Variants in SLC7A8 observed in about 807,000 individuals in gnomAD.
SLC7A8 encodes large neutral amino acids transporter small subunit 2.
A neutral mutation model predicts 51.2 loss-of-function variants in SLC7A8; 30 were observed. The ratio of observed to expected loss-of-function variants is 0.59; its 90% CI spans 0.44 to 0.80. The LOEUF (loss-of-function observed/expected upper bound fraction) is 0.80, where lower values mean the gene tolerates loss of function less well. Among genes scored for constraint, SLC7A8 ranks in the 30% least tolerant of loss-of-function variants. SLC7A8 has a pLI of 0.00. For missense variants in SLC7A8, 612 were observed against 674.4 expected (o/e 0.91, Z 1.03); for synonymous variants, 257 against 275.8 (o/e 0.93, Z 0.67).
intron 3 of SLC7A8, among the ~76,000 whole-genome samples, chr14:23,159,553 G>A (rs1434881768): frequency 2.0e-5 from 3 of 152,252 alleles, no homozygotes; most frequent in Admixed American, 6.5e-5. Flanking sequence ...AGTGTCTGGG[G>A]AGGAGCAGTT....
At chr14:23,146,518 G>C (rs963228244) in intron 3 of SLC7A8, among the ~76,000 whole-genome samples, 9 of 152,156 alleles carry the variant, frequency 5.9e-5, no homozygotes, top group African/African-American at 1.9e-4. Context: ...ACAGAGATAG[G>C]GATGCTTTGT....
rs980427814 is a variant in SLC7A8, at chr14:23,125,475, C to T, written c.*1702G>A. 4 of 152,040 alleles carry T rather than the reference C, an allele frequency of 2.6e-5. No individual in the cohort carries two copies. The highest frequency in any genetic ancestry group is 9.7e-5 in the African/African-American group (4 of 41,212). 9.4% of individuals were successfully genotyped at this position (152,040 alleles called of 1,614,324 possible). A position where few individuals can be genotyped will look rare whatever the true frequency, so the allele number is the denominator to read the frequency against. ...AATACCAGCTTCAAAAATATTTATC[C>T]AAAAAGTAAGGCATCAACTTTACAA... On this transcript the variant is annotated 3_prime_UTR_variant, in exon 11 of 11. Coordinates refer to ENST00000316902, the MANE Select transcript of SLC7A8 (RefSeq NM_012244.4).
intron 1 of SLC7A8, among the ~76,000 whole-genome samples, chr14:23,181,546 C>A (rs1156304392): frequency 6.6e-6 from 1 of 152,108 alleles, no homozygotes; most frequent in Non-Finnish European, 1.5e-5. Context: ...GAATACTGCA[C>A]TGATTTTATT....
At chr14:23,140,829 C>T (rs778163023) in intron 4 of SLC7A8, among the ~76,000 whole-genome samples, 33 of 152,186 alleles carry the variant, frequency 2.2e-4, no homozygotes, top group Non-Finnish European at 4.0e-4. Flanking sequence ...CCGGAAACTA[C>T]GAGTCCAAAT....
chr14:23,129,874 C>G (rs2048616486), intron 8 of SLC7A8, 75 bp from the exon 9 acceptor site: 1 of 1,540,210 alleles, frequency 6.5e-7, no homozygotes, highest in Non-Finnish European at 8.8e-7. Context: ...GGGGCTGTCC[C>G]CCAGCCTCCA....
chr14:23,181,576 C>T (rs184330192), intron 1 of SLC7A8, among the ~76,000 whole-genome samples: 145 of 152,326 alleles, frequency 9.5e-4, no homozygotes, highest in Middle Eastern at 3.4e-3. Flanking sequence ...GAGTGCTCTC[C>T]AGTGTCACTA....
intron 5 of SLC7A8, 138 bp downstream of exon 5, chr14:23,140,333 G>T (rs923641287): frequency 3.3e-6 from 3 of 915,606 alleles, no homozygotes; most frequent in Non-Finnish European, 4.9e-6. Context: ...AATGAACTAC[G>T]ACTTCAGGAT....
At position 23,127,883 on chromosome 14, in the gene SLC7A8, ACTCTTCCAGGG is replaced by A. The variant is rs901752059; in HGVS notation, c.1441+125_1441+135del. 2.0e-5 allele frequency: 15 copies of A among 741,902 alleles called. No individual in the cohort carries two copies. In the Admixed American group the frequency reaches 4.3e-4, roughly 21 times the overall value. The allele number at this position is 741,902 out of a possible 1,614,324, so 46.0% of individuals were successfully genotyped here. A position where few individuals can be genotyped will look rare whatever the true frequency, so the allele number is the denominator to read the frequency against. On this transcript the variant is annotated intron_variant, in intron 10 of 10. Transcript: ENST00000316902. The stretch of plus-strand genomic sequence containing the variant: ...AAGGCATCTGCTTCCCCTGCTCTGG[ACTCTTCCAGGG>A]CTCTGTGGACTGAGGAGAAGGTGAG...
chr14:23,153,268 A>G (rs1307526344), intron 3 of SLC7A8, among the ~76,000 whole-genome samples: 1 of 152,146 alleles, frequency 6.6e-6, no homozygotes, highest in Non-Finnish European at 1.5e-5. Context: ...GTGAGCCACC[A>G]TGGCGGCCCC....
intron 1 of SLC7A8, among the ~76,000 whole-genome samples, chr14:23,169,441 C>T (rs947421116): frequency 5.3e-5 from 8 of 152,216 alleles, no homozygotes; most frequent in Admixed American, 2.6e-4. Context: ...AGGGAACAGC[C>T]TGTCGCCCAG....
At position 23,180,108 on chromosome 14, in the gene SLC7A8, G is replaced by A. The variant is rs369382584; in HGVS notation, c.151+2656C>T. Reference sequence around the variant, plus strand: ...TTTTTAGTAGAGACGAGGTTTCACCGTGTTAGCCAGGATGGTCTTGATCTC... The same window carrying A: ...TTTTTAGTAGAGACGAGGTTTCACCATGTTAGCCAGGATGGTCTTGATCTC... On this transcript the variant is annotated intron_variant, in intron 1 of 10. Transcript: ENST00000316902. 1.0e-3 allele frequency among the ~76,000 whole-genome samples: 159 copies of A among 152,120 alleles called. 2 individuals are homozygous for A. The highest frequency in any genetic ancestry group is 5.6e-3 in the East Asian group (29 of 5,168).
chr14:23,138,596 C>T (rs1050344905), intron 6 of SLC7A8, among the ~76,000 whole-genome samples: 5 of 152,156 alleles, frequency 3.3e-5, no homozygotes, highest in African/African-American at 1.2e-4. Flanking sequence ...TTCATCAAAA[C>T]AGATGAGTTG....
In SLC7A8 at chr14:23,161,665, C is replaced by T. The variant is rs150451398; in HGVS notation, c.508+3620G>A. ...TTAATGAAAGATAGCGTCTACCAGT[C>T]GGGCGCAGTGGCCTCACTTTGGGAG... On this transcript the variant is annotated intron_variant, in intron 3 of 10. Coordinates refer to ENST00000316902, the MANE Select transcript of SLC7A8 (RefSeq NM_012244.4). Among the ~76,000 whole-genome samples, 4 of 152,130 alleles carry T rather than the reference C, an allele frequency of 2.6e-5. No homozygotes were observed. The East Asian group carries it at 5.8e-4, about 22-fold the overall frequency.
At chr14:23,137,853 C>T in intron 7 of SLC7A8, 68 bp downstream of exon 7, 5 of 1,581,810 alleles carry the variant, frequency 3.2e-6, no homozygotes, top group Non-Finnish European at 4.3e-6. Flanking sequence ...GACAAGCCCA[C>T]CATATACAAA....
rs181272771 is a variant in SLC7A8, at chr14:23,172,942, G to A, written c.152-6402C>T. Among the ~76,000 whole-genome samples the A allele has an allele frequency of 2.6e-4, 40 of 152,094 alleles. No homozygotes were observed. In the East Asian group the frequency reaches 5.6e-3, roughly 21 times the overall value. On this transcript the variant is annotated intron_variant, in intron 1 of 10. Transcript: ENST00000316902. ...TTTTTTTAAAGCTAAGCCCAAAAAT[G>A]TAGTATTCATGGGAATAACTCATTT...
chr14:23,163,189 G>T (rs1408354973), intron 3 of SLC7A8, among the ~76,000 whole-genome samples: 1 of 152,160 alleles, frequency 6.6e-6, no homozygotes, highest in Non-Finnish European at 1.5e-5. Context: ...GGGGTGCTGG[G>T]TGTCTAACAC....
intron 5 of SLC7A8, among the ~76,000 whole-genome samples, 189 bp from the exon 6 acceptor site, chr14:23,139,736 G>C (rs928886279): frequency 6.6e-6 from 1 of 152,060 alleles, no homozygotes. Context: ...GAGGCTGAGC[G>C]TGGTGGTTCA....
intron 1 of SLC7A8, among the ~76,000 whole-genome samples, chr14:23,174,303 G>A (rs1319190210): frequency 6.6e-6 from 1 of 152,232 alleles, no homozygotes; most frequent in Admixed American, 6.5e-5. Flanking sequence ...AAAACGTGGA[G>A]ACAGATGAGA....
chr14:23,159,117 C>T (rs935481810), intron 3 of SLC7A8, among the ~76,000 whole-genome samples: 10 of 152,256 alleles, frequency 6.6e-5, no homozygotes, highest in South Asian at 2.1e-4. Flanking sequence ...TTTTTGCATA[C>T]GATTCTCTTC....
Sources: gnomAD v4.1 joint callset for allele counts (sites outside exome capture counted in the v4.1 genomes callset) on GRCh38, gnomAD v4.1.1 for gene constraint, MANE v1.5 for transcripts, NCBI Gene and HGNC (gene_info 2026-07-23, HGNC 2026-07-21) for gene names.